The following PRKAR2B variants were observed in gnomAD, a reference collection of about 807,000 sequenced individuals.
PRKAR2B encodes cAMP-dependent protein kinase type II-beta regulatory subunit.
Under a neutral mutation model 49.9 loss-of-function variants are expected in PRKAR2B, and 14 were observed. The ratio of observed to expected loss-of-function variants is 0.28; its 90% CI spans 0.19 to 0.44. The LOEUF is 0.44. Among genes scored for constraint, PRKAR2B ranks in the 20% least tolerant of loss-of-function variants. The pLI, the probability that PRKAR2B is intolerant of heterozygous loss-of-function variation, is 1.00. For missense variants in PRKAR2B, 393 were observed against 537.9 expected (o/e 0.73, Z 2.67); for synonymous variants, 196 against 197.7 (o/e 0.99, Z 0.07).
intron 2 of PRKAR2B, chr7:107,077,870 A>G (rs1794429706): frequency 6.6e-6 from 1 of 152,190 alleles, no homozygotes; most frequent in Admixed American, 6.5e-5. Flanking sequence ...AACTCACAAG[A>G]TGATTGTTGT....
intron 2 of PRKAR2B, among the ~76,000 whole-genome samples, chr7:107,075,085 G>A (rs1261518542): frequency 6.6e-6 from 1 of 151,374 alleles, no homozygotes; most frequent in Non-Finnish European, 1.5e-5. Flanking sequence ...GGGTTAAATT[G>A]GATGATTTTT....
At chr7:107,054,562 GT>G (rs1220587200) in intron 1 of PRKAR2B, among the ~76,000 whole-genome samples, 1 of 151,886 alleles carries the variant, frequency 6.6e-6, no homozygotes, top group Non-Finnish European at 1.5e-5. Context: ...CCTCCTTGAC[GT>G]TAATACTATC....
At chr7:107,095,135 T>C (rs1402594547) in intron 2 of PRKAR2B, among the ~76,000 whole-genome samples, 1 of 152,244 alleles carries the variant, frequency 6.6e-6, no homozygotes, top group Non-Finnish European at 1.5e-5. Context: ...TTCCTATCCA[T>C]GAGCATGAAA....
intron 1 of PRKAR2B, among the ~76,000 whole-genome samples, chr7:107,048,160 T>G (rs1562838829): frequency 1.3e-5 from 2 of 152,326 alleles, no homozygotes. Flanking sequence ...TATCTCCAGA[T>G]GGGGCTGGGG....
intron 2 of PRKAR2B, among the ~76,000 whole-genome samples, chr7:107,087,375 A>T (rs1052869321): frequency 6.6e-6 from 1 of 152,206 alleles, no homozygotes; most frequent in African/African-American, 2.4e-5. Context: ...TCCATTTTGC[A>T]TACAAACTTT....
At chr7:107,150,602 A>C (rs1795965930) in intron 6 of PRKAR2B, among the ~76,000 whole-genome samples, 1 of 151,954 alleles carries the variant, frequency 6.6e-6, no homozygotes. Flanking sequence ...GCTAGTATAC[A>C]TATTTAAAAA....
At chr7:107,056,539 G>T (rs1047373617) in intron 1 of PRKAR2B, among the ~76,000 whole-genome samples, 3 of 152,124 alleles carry the variant, frequency 2.0e-5, no homozygotes, top group Admixed American at 2.0e-4. Flanking sequence ...CACATCCCTT[G>T]TAAGTTGATT....
At chr7:107,133,838 G>C (rs1795646138) in intron 4 of PRKAR2B, 1 of 151,988 alleles carries the variant, frequency 6.6e-6, no homozygotes, top group South Asian at 2.1e-4. Context: ...CATTCAAAAA[G>C]AACAAAAGAG....
chr7:107,069,721 C>T (rs1175336102), intron 1 of PRKAR2B: 2 of 152,358 alleles, frequency 1.3e-5, no homozygotes, highest in African/African-American at 4.8e-5. Context: ...ATTTGGATTG[C>T]ACAAAAACTG....
intron 7 of PRKAR2B, among the ~76,000 whole-genome samples, chr7:107,151,951 C>T (rs887262420): frequency 2.6e-4 from 40 of 152,334 alleles, no homozygotes; most frequent in African/African-American, 9.1e-4. Flanking sequence ...TATCACTGGG[C>T]AAGGCCCCTC....
At chr7:107,050,828 A>G (rs1231913155) in intron 1 of PRKAR2B, among the ~76,000 whole-genome samples, 3 of 152,190 alleles carry the variant, frequency 2.0e-5, no homozygotes, top group African/African-American at 7.2e-5. Flanking sequence ...GATTCGTCTT[A>G]CATTTACTCT....
intron 2 of PRKAR2B, among the ~76,000 whole-genome samples, chr7:107,071,929 C>T (rs1464610433): frequency 1.3e-5 from 2 of 151,544 alleles, no homozygotes; most frequent in Non-Finnish European, 2.9e-5. Flanking sequence ...ATGAGCCGGG[C>T]GTGGTGGCGG....
At chr7:107,120,968 A>G (rs1584439056) in intron 2 of PRKAR2B, among the ~76,000 whole-genome samples, 1 of 151,078 alleles carries the variant, frequency 6.6e-6, no homozygotes, top group East Asian at 1.9e-4. Context: ...ATCTTTGTCA[A>G]TTTAAATAAA....
chr7:107,085,473 C>A (rs1794601891), intron 2 of PRKAR2B, among the ~76,000 whole-genome samples: 1 of 151,988 alleles, frequency 6.6e-6, no homozygotes, highest in African/African-American at 2.4e-5. Context: ...CATTAAAAAA[C>A]TTTTATTATA....
intron 1 of PRKAR2B, among the ~76,000 whole-genome samples, chr7:107,051,519 A>T (rs1793801836): frequency 1.3e-5 from 2 of 152,190 alleles, no homozygotes; most frequent in South Asian, 2.1e-4. Context: ...TATGATGCTT[A>T]TCATTATTTT....
At chr7:107,147,290 C>T (rs71566717) in intron 6 of PRKAR2B, among the ~76,000 whole-genome samples, 4 of 151,998 alleles carry the variant, frequency 2.6e-5, no homozygotes, top group African/African-American at 7.3e-5. Context: ...CCAGCCTGGG[C>T]GACAGAGCGA....
chr7:107,102,180 C>A (rs1200973394), intron 2 of PRKAR2B, among the ~76,000 whole-genome samples: 2 of 152,108 alleles, frequency 1.3e-5, no homozygotes, highest in African/African-American at 4.8e-5. Context: ...GCACTCCAGC[C>A]TGGGTGACAG....
chr7:107,144,522 G>A (rs1473221657), intron 5 of PRKAR2B, among the ~76,000 whole-genome samples: 2 of 152,232 alleles, frequency 1.3e-5, no homozygotes, highest in East Asian at 1.9e-4. Flanking sequence ...GTGCAGTGGT[G>A]CAGTCACAGC....
chr7:107,069,620 G>A (rs1401049825), intron 1 of PRKAR2B: 1 of 152,226 alleles, frequency 6.6e-6, no homozygotes, highest in Non-Finnish European at 1.5e-5. Flanking sequence ...TTGAGTCGGA[G>A]GAGTGGGCAG....
Sources: allele counts gnomAD v4.1 joint callset (sites outside exome capture counted in the v4.1 genomes callset), GRCh38; gene constraint gnomAD v4.1.1; transcripts MANE v1.5; gene names NCBI Gene and HGNC (gene_info 2026-07-23, HGNC 2026-07-21).